Variants in KCNN2 observed in about 807,000 individuals in gnomAD.
KCNN2 encodes the protein potassium calcium-activated channel subfamily N member 2.
KCNN2 carries 24 observed loss-of-function variants against 55.5 expected under a neutral mutation model. The ratio of observed to expected loss-of-function variants is 0.43; its 90% CI spans 0.31 to 0.61. The LOEUF is 0.61. KCNN2 is among the 20% of genes least tolerant of loss of function. The pLI is 0.08. For missense variants in KCNN2, 754 were observed against 853.6 expected (o/e 0.88, Z 1.45); for synonymous variants, 431 against 336.1 (o/e 1.28, Z -3.09).
At chr5:114,464,340 C>G (rs1275334038) in intron 4 of KCNN2, among the ~76,000 whole-genome samples, 1 of 152,210 alleles carries the variant, frequency 6.6e-6, no homozygotes. Flanking sequence ...AGAGTGTCAT[C>G]TTGATCCTTG....
chr5:114,217,075 G>A (rs1236970138), intron 1 of KCNN2, among the ~76,000 whole-genome samples: 1 of 152,000 alleles, frequency 6.6e-6, no homozygotes, highest in Non-Finnish European at 1.5e-5. Flanking sequence ...ACTTGTATGA[G>A]GAAAGCTACA....
intron 2 of KCNN2, among the ~76,000 whole-genome samples, chr5:114,272,647 A>C (rs1346264891): frequency 6.6e-6 from 1 of 152,052 alleles, no homozygotes; most frequent in Non-Finnish European, 1.5e-5. Flanking sequence ...TACTTCATAA[A>C]ACTTTGTAGA....
At chr5:114,397,791 G>T (rs1758665542) in intron 2 of KCNN2, among the ~76,000 whole-genome samples, 1 of 152,120 alleles carries the variant, frequency 6.6e-6, no homozygotes, top group Non-Finnish European at 1.5e-5. Context: ...TAGTGATGAT[G>T]AACATTTTTT....
In KCNN2 at chr5:114,243,792, C is replaced by T. The variant is rs190221425; in HGVS notation, c.-185+22227C>T. Among the ~76,000 whole-genome samples the T allele has an allele frequency of 5.1e-4, 77 of 152,188 alleles. 1 individual carries two copies. The East Asian group carries it at 0.014, about 28-fold the overall frequency. ...TAGGGATTTTGGAATGTGTTTCCCC[C>T]AGGATAAAGGGTGACTACTGTACTT... is the stretch of plus-strand genomic sequence containing the variant. On this transcript the variant is annotated intron_variant, in intron 2 of 10. Coordinates refer to the KCNN2 transcript ENST00000512097.
At chr5:114,286,599 G>T (rs1755759585) in intron 2 of KCNN2, among the ~76,000 whole-genome samples, 1 of 152,102 alleles carries the variant, frequency 6.6e-6, no homozygotes, top group Non-Finnish European at 1.5e-5. Flanking sequence ...TATCATAAAG[G>T]CCTAAACCAC....
intron 1 of KCNN2, among the ~76,000 whole-genome samples, chr5:114,181,307 G>A (rs1428707881): frequency 1.3e-5 from 2 of 152,180 alleles, no homozygotes; most frequent in Non-Finnish European, 2.9e-5. Context: ...TGTTTTGTAT[G>A]TGTAGTATCA....
chr5:114,288,292 G>C (rs894721083), intron 2 of KCNN2, among the ~76,000 whole-genome samples: 1 of 152,110 alleles, frequency 6.6e-6, no homozygotes, highest in African/African-American at 2.4e-5. Flanking sequence ...TTGTAAACAA[G>C]TGTTTACATG....
chr5:114,436,539 C>T (rs780227348), intron 3 of KCNN2, among the ~76,000 whole-genome samples: 2 of 152,098 alleles, frequency 1.3e-5, no homozygotes, highest in Non-Finnish European at 2.9e-5. Flanking sequence ...CTGACTTTGG[C>T]CTTGCTATTT....
intron 2 of KCNN2, among the ~76,000 whole-genome samples, chr5:114,300,441 A>G (rs1264219932): frequency 6.6e-6 from 1 of 152,234 alleles, no homozygotes; most frequent in East Asian, 1.9e-4. Flanking sequence ...ATTTCAAAAC[A>G]TTGTCTTGCT....
chr5:114,091,298 C>T (rs1404067525), intron 1 of KCNN2, among the ~76,000 whole-genome samples: 1 of 152,128 alleles, frequency 6.6e-6, no homozygotes, highest in African/African-American at 2.4e-5. Flanking sequence ...TGAGAGCTCT[C>T]CTTGGCACTT....
intron 3 of KCNN2, among the ~76,000 whole-genome samples, chr5:114,411,208 G>T (rs1759120532): frequency 6.6e-6 from 1 of 151,828 alleles, no homozygotes; most frequent in African/African-American, 2.4e-5. Context: ...TCTATTTTTT[G>T]TCACCCTGTC....
intron 3 of KCNN2, among the ~76,000 whole-genome samples, chr5:114,410,985 T>C (rs974724749): frequency 6.6e-5 from 10 of 152,208 alleles, no homozygotes; most frequent in African/African-American, 2.4e-4. Flanking sequence ...TGAATACCTT[T>C]GGATAATCTA....
At chr5:114,476,094 A>G (rs1580897313) in intron 5 of KCNN2, among the ~76,000 whole-genome samples, 2 of 151,778 alleles carry the variant, frequency 1.3e-5, no homozygotes, top group Admixed American at 1.3e-4. Flanking sequence ...TGTGCAGGTT[A>G]GTTACATATG....
intron 1 of KCNN2, among the ~76,000 whole-genome samples, chr5:114,203,656 T>C (rs1228694481): frequency 3.3e-5 from 5 of 152,098 alleles, no homozygotes; most frequent in Non-Finnish European, 7.4e-5. Context: ...GTGGACCTCA[T>C]CCCTGGGCCT....
At chr5:114,207,797 G>A (rs915299195) in intron 1 of KCNN2, among the ~76,000 whole-genome samples, 1 of 152,166 alleles carries the variant, frequency 6.6e-6, no homozygotes, top group African/African-American at 2.4e-5. Context: ...GTAATACCTA[G>A]TACACCAAAG....
intron 1 of KCNN2, among the ~76,000 whole-genome samples, chr5:114,162,835 G>C (rs1458635384): frequency 6.6e-6 from 1 of 152,150 alleles, no homozygotes; most frequent in East Asian, 1.9e-4. Context: ...TGTGCCGTTT[G>C]TTAAGTCGGT....
At chr5:114,422,541 A>C (rs1759501044) in intron 3 of KCNN2, among the ~76,000 whole-genome samples, 1 of 152,240 alleles carries the variant, frequency 6.6e-6, no homozygotes, top group Non-Finnish European at 1.5e-5. Flanking sequence ...CTGATATAGC[A>C]GCTCAAACAG....
chr5:114,467,546 G>A (rs998299055), intron 4 of KCNN2, among the ~76,000 whole-genome samples: 2 of 152,084 alleles, frequency 1.3e-5, no homozygotes, highest in Non-Finnish European at 1.5e-5. Context: ...AGTGAAGAGA[G>A]TATATCTTTA....
chr5:114,097,029 T>C (rs1328446185), intron 1 of KCNN2, among the ~76,000 whole-genome samples: 1 of 152,148 alleles, frequency 6.6e-6, no homozygotes, highest in African/African-American at 2.4e-5. Flanking sequence ...GGAGCAGAGA[T>C]TTGAACCCAG....
Sources: gnomAD v4.1 joint callset for allele counts (sites outside exome capture counted in the v4.1 genomes callset) on GRCh38, gnomAD v4.1.1 for gene constraint, MANE v1.5 for transcripts, NCBI Gene and HGNC (gene_info 2026-07-23, HGNC 2026-07-21) for gene names.